The following GABRG3 variants were observed in gnomAD, a reference collection of about 807,000 sequenced individuals.
GABRG3 encodes gamma-aminobutyric acid receptor subunit gamma-3.
In GABRG3, 25 loss-of-function variants were observed where a neutral mutation model predicts 48.8. That is an observed-to-expected ratio of 0.51 (90% CI 0.37 to 0.72). The LOEUF (loss-of-function observed/expected upper bound fraction) is 0.72, where lower values mean the gene tolerates loss of function less well. GABRG3 is among the 30% of genes least tolerant of loss of function. The pLI, the probability that GABRG3 is intolerant of heterozygous loss-of-function variation, is 0.00. For missense variants in GABRG3, 394 were observed against 577.9 expected, an observed-to-expected ratio of 0.68 and a Z score of 3.26; for synonymous variants, 227 against 217.6, an observed-to-expected ratio of 1.04 and a Z score of -0.38.
At chr15:27,423,721 C>CTTTT (rs542775399) in intron 5 of GABRG3, among the ~76,000 whole-genome samples, 51 of 81,778 alleles carry the variant, frequency 6.2e-4, no homozygotes, top group African/African-American at 1.2e-3. Flanking sequence ...TTTTCTTTTC[C>CTTTT]TTTTTTTTTT....
chr15:27,514,880 A>T (rs1303554917), intron 6 of GABRG3, among the ~76,000 whole-genome samples: 1 of 152,202 alleles, frequency 6.6e-6, no homozygotes, highest in Admixed American at 6.5e-5. Context: ...CTAATCACAG[A>T]ATTCAGAAAA....
At chr15:27,165,907 AG>A (rs1356228198) in intron 3 of GABRG3, among the ~76,000 whole-genome samples, 1 of 152,098 alleles carries the variant, frequency 6.6e-6, no homozygotes, top group African/African-American at 2.4e-5. Flanking sequence ...TTTTCTAGGT[AG>A]GGGTGGGCAT....
intron 3 of GABRG3, among the ~76,000 whole-genome samples, chr15:27,152,433 T>C (rs1223724625): frequency 1.3e-5 from 2 of 152,238 alleles, no homozygotes; most frequent in Non-Finnish European, 2.9e-5. Context: ...CTTTACTTTT[T>C]AAAAATTTTA....
At position 26,976,492 on chromosome 15, in the gene GABRG3, T is replaced by C. The variant is rs1894948047; in HGVS notation, c.54-510T>C. Among the ~76,000 whole-genome samples, 1 of 151,980 alleles carries C rather than the reference T, an allele frequency of 6.6e-6. No individual in the cohort carries two copies. The highest frequency in any genetic ancestry group is 1.5e-5 in the Non-Finnish European group (1 of 68,002). On this transcript the variant is annotated intron_variant, in intron 1 of 9. Coordinates refer to ENST00000615808, the MANE Select transcript of GABRG3 (RefSeq NM_033223.5). The surrounding 1 kb of genome is among the most constrained non-coding windows in gnomAD (Gnocchi z 7.8). Reference sequence around the variant, plus strand: ...ATGCTCAAGTGCCTAGACCCCCAGATTCCCGCCTCCAAGAGAAGCACTGAG... The same window carrying C: ...ATGCTCAAGTGCCTAGACCCCCAGACTCCCGCCTCCAAGAGAAGCACTGAG...
intron 6 of GABRG3, among the ~76,000 whole-genome samples, chr15:27,511,316 G>A (rs73369583): frequency 0.053 from 8,139 of 152,258 alleles, 754 homozygotes; most frequent in African/African-American, 0.19. Flanking sequence ...GCTGGCTGGG[G>A]CAAGGAGGAT....
chr15:27,318,344 T>C (rs1354225818), intron 3 of GABRG3, among the ~76,000 whole-genome samples: 1 of 152,212 alleles, frequency 6.6e-6, no homozygotes, highest in Non-Finnish European at 1.5e-5. Flanking sequence ...GATTTACTTC[T>C]TTAACCTCAT....
rs577324692 is a variant in GABRG3 at position 26,975,304 on chromosome 15, A to G, written c.54-1698A>G. Among the ~76,000 whole-genome samples, 44 of 152,342 alleles carry G rather than the reference A, an allele frequency of 2.9e-4. No individual in the cohort carries two copies. The highest frequency in any genetic ancestry group is 9.6e-4 in the East Asian group (5 of 5,184). ...AGGTGCCCCACATTTAAAAATTCCT[A>G]TCGATCGTGAATATCCAATGTGCAT... On this transcript the variant is annotated intron_variant, in intron 1 of 9. Coordinates refer to ENST00000615808, the MANE Select transcript of GABRG3 (RefSeq NM_033223.5). The surrounding 1 kb of genome is among the most constrained non-coding windows in gnomAD (Gnocchi z 4.6).
chr15:27,223,397 G>A (rs1472004732), intron 3 of GABRG3, among the ~76,000 whole-genome samples: 1 of 152,168 alleles, frequency 6.6e-6, no homozygotes, highest in African/African-American at 2.4e-5. Context: ...TCAGTTCTTT[G>A]CTGGAGGGTG....
At chr15:27,124,296 A>G (rs1255092761) in intron 3 of GABRG3, among the ~76,000 whole-genome samples, 1 of 152,178 alleles carries the variant, frequency 6.6e-6, no homozygotes, top group Non-Finnish European at 1.5e-5. Flanking sequence ...CATTGTATCT[A>G]GTTCTGCTGT....
At chr15:27,096,606 G>A (rs1192415023) in intron 3 of GABRG3, among the ~76,000 whole-genome samples, 1 of 152,076 alleles carries the variant, frequency 6.6e-6, no homozygotes, top group African/African-American at 2.4e-5. Context: ...TGTATCTTCT[G>A]GGAGGGACCA....
intron 3 of GABRG3, among the ~76,000 whole-genome samples, chr15:27,046,873 AT>A (rs374143319): frequency 5.3e-4 from 80 of 152,210 alleles, no homozygotes; most frequent in African/African-American, 1.8e-3. Flanking sequence ...ACTTAGAGGA[AT>A]TTGATGTTTT....
At chr15:26,979,700 A>G (rs974318896) in intron 2 of GABRG3, among the ~76,000 whole-genome samples, 1 of 152,190 alleles carries the variant, frequency 6.6e-6, no homozygotes, top group East Asian at 1.9e-4. Flanking sequence ...TTGAATCAGT[A>G]TTGCATTCCT....
intron 5 of GABRG3, among the ~76,000 whole-genome samples, chr15:27,469,849 C>T (rs1223159453): frequency 6.6e-6 from 1 of 152,174 alleles, no homozygotes; most frequent in African/African-American, 2.4e-5. Flanking sequence ...GGGATAAGAA[C>T]ATATCATAGG....
chr15:27,316,389 A>AG (rs1365701632), intron 3 of GABRG3, among the ~76,000 whole-genome samples: 10 of 147,634 alleles, frequency 6.8e-5, no homozygotes, highest in African/African-American at 2.5e-4. Context: ...CTCCGTCTCA[A>AG]AAAAAAAAAA....
At chr15:27,441,995 C>T (rs893329425) in intron 5 of GABRG3, among the ~76,000 whole-genome samples, 5 of 152,168 alleles carry the variant, frequency 3.3e-5, no homozygotes, top group African/African-American at 1.2e-4. Flanking sequence ...AGTGGTGGGG[C>T]TTACACTATG....
intron 3 of GABRG3, among the ~76,000 whole-genome samples, chr15:27,104,983 G>C (rs1871893777): frequency 6.6e-6 from 1 of 152,178 alleles, no homozygotes; most frequent in African/African-American, 2.4e-5. Flanking sequence ...GATTGGCAGA[G>C]TGGATTAAAA....
At chr15:27,094,859 A>G (rs1897246125) in intron 3 of GABRG3, among the ~76,000 whole-genome samples, 1 of 152,216 alleles carries the variant, frequency 6.6e-6, no homozygotes, top group South Asian at 2.1e-4. Flanking sequence ...TACCATTTAA[A>G]TTTTAGTATA....
chr15:27,402,898 C>T (rs60153237), intron 5 of GABRG3, among the ~76,000 whole-genome samples: 10,017 of 152,054 alleles, frequency 0.066, 1,116 homozygotes, highest in African/African-American at 0.23. Context: ...TTTTCTATCC[C>T]CCTGCCTATA....
chr15:27,532,740 T>C lies in GABRG3; in HGVS notation c.1263T>C (p.Tyr421=), dbSNP rs1229913208. 6.2e-7 allele frequency: 1 copy of C among 1,613,994 alleles called. No homozygotes were observed. Among genetic ancestry groups the C allele is most frequent in the South Asian group, 1.1e-5 (1 of 91,082 alleles). ...GKDCQSFFCC[Y]EECKSGSWRK... is the part of the protein sequence containing the mutation. ...ACTGTCAGAGCTTCTTCTGCTGCTA[T>C]GAAGAATGTAAATCAGGATCCTGGA... Residue 421 remains tyrosine, a synonymous_variant, in exon 10 of 10, where the codon TAT becomes TAC. Coordinates refer to ENST00000615808, the MANE Select transcript of GABRG3 (RefSeq NM_033223.5).
Sources: allele counts gnomAD v4.1 joint callset (sites outside exome capture counted in the v4.1 genomes callset), GRCh38; gene constraint gnomAD v4.1.1; non-coding constraint Gnocchi (gnomAD v3.1); transcripts MANE v1.5; gene names NCBI Gene and HGNC (gene_info 2026-07-23, HGNC 2026-07-21).